Variants in LUZP2 observed in about 807,000 individuals in gnomAD.
The protein encoded by LUZP2 is leucine zipper protein 2.
LUZP2 carries 52 observed loss-of-function variants against 51.6 expected under a neutral mutation model. The observed-to-expected ratio is 1.01, with a 90% CI of 0.81 to 1.27. The LOEUF is 1.27. LUZP2 is among the 50% of genes most tolerant of loss of function. The pLI, the probability that LUZP2 is intolerant of heterozygous loss-of-function variation, is 0.00. For missense variants in LUZP2, 436 were observed against 395.4 expected (o/e 1.10, Z -0.87); for synonymous variants, 154 against 137.3 (o/e 1.12, Z -0.85).
At chr11:24,915,039 A>G (rs890953584) in intron 7 of LUZP2, among the ~76,000 whole-genome samples, 1 of 152,106 alleles carries the variant, frequency 6.6e-6, no homozygotes, top group Non-Finnish European at 1.5e-5. Flanking sequence ...AATTTTTATG[A>G]CTTAAAATAT....
At chr11:24,995,616 A>C (rs1248032001) in intron 9 of LUZP2, among the ~76,000 whole-genome samples, 2 of 151,848 alleles carry the variant, frequency 1.3e-5, no homozygotes, top group African/African-American at 4.8e-5. Flanking sequence ...AGATTTTTAA[A>C]TTTAGTAGAT....
intron 7 of LUZP2, among the ~76,000 whole-genome samples, chr11:24,965,883 C>G (rs76475434): frequency 0.017 from 2,532 of 151,794 alleles, 39 homozygotes; most frequent in South Asian, 0.083. Context: ...ATAGAGGGAA[C>G]ATTTAAAAAT....
intron 1 of LUZP2, among the ~76,000 whole-genome samples, chr11:24,531,614 T>C (rs1396852): frequency 0.38 from 57,595 of 150,582 alleles, 11,732 homozygotes; most frequent in African/African-American, 0.51. Flanking sequence ...CTAGTAACCA[T>C]CATCCTACTC....
At chr11:24,790,581 A>C (rs1238593686) in intron 5 of LUZP2, among the ~76,000 whole-genome samples, 1 of 151,964 alleles carries the variant, frequency 6.6e-6, no homozygotes, top group South Asian at 2.1e-4. Flanking sequence ...AGCTCACTGC[A>C]ACCTCTGCCT....
intron 5 of LUZP2, among the ~76,000 whole-genome samples, chr11:24,901,385 C>T (rs547146878): frequency 7.1e-6 from 1 of 141,542 alleles, no homozygotes. Flanking sequence ...AACTTTGACC[C>T]TTACCTCACT....
intron 4 of LUZP2, among the ~76,000 whole-genome samples, chr11:24,742,060 T>C (rs1859200947): frequency 7.4e-6 from 1 of 134,622 alleles, no homozygotes; most frequent in Non-Finnish European, 1.5e-5. Flanking sequence ...AATATAATTA[T>C]ATATATATAT....
At chr11:24,516,002 A>G (rs1047433480) in intron 1 of LUZP2, among the ~76,000 whole-genome samples, 5 of 152,098 alleles carry the variant, frequency 3.3e-5, no homozygotes, top group African/African-American at 1.2e-4. Flanking sequence ...CTTCTGTGAA[A>G]ACTGACCTGA....
In LUZP2 at chr11:24,859,072, T is replaced by C. The variant is rs546014922; in HGVS notation, c.397-46919T>C. On this transcript the variant is annotated intron_variant, in intron 5 of 11. Coordinates refer to ENST00000336930, the MANE Select transcript of LUZP2 (RefSeq NM_001009909.4). ...GTTTACTCACCCATTATTAGGTTCA[T>C]GGCTGAGGCACTCATAACAAAAGAG... 2.0e-5 allele frequency among the ~76,000 whole-genome samples: 3 copies of C among 152,328 alleles called. No individual in the cohort carries two copies. In the East Asian group the frequency reaches 5.8e-4, roughly 29 times the overall value.
At chr11:24,659,840 G>A (rs1455310290) in intron 1 of LUZP2, among the ~76,000 whole-genome samples, 3 of 152,072 alleles carry the variant, frequency 2.0e-5, no homozygotes, top group Non-Finnish European at 4.4e-5. Context: ...ATATAAACCT[G>A]TTCTCCTTGA....
intron 5 of LUZP2, among the ~76,000 whole-genome samples, chr11:24,876,566 G>A (rs1425189955): frequency 1.3e-5 from 2 of 148,252 alleles, no homozygotes; most frequent in Non-Finnish European, 3.0e-5. Flanking sequence ...GCTTAGGATT[G>A]ACTTGGCGAT....
intron 5 of LUZP2, among the ~76,000 whole-genome samples, chr11:24,771,034 A>C (rs1860396430): frequency 6.6e-6 from 1 of 152,194 alleles, no homozygotes. Flanking sequence ...CTGTATCCAC[A>C]TATTGCACAG....
intron 5 of LUZP2, among the ~76,000 whole-genome samples, chr11:24,865,082 C>A (rs528949710): frequency 7.9e-5 from 12 of 152,216 alleles, no homozygotes; most frequent in Middle Eastern, 3.4e-3. Context: ...ACTGCTGAGG[C>A]AAATGTCACA....
At chr11:24,851,084 C>G (rs551398389) in intron 5 of LUZP2, among the ~76,000 whole-genome samples, 1 of 152,168 alleles carries the variant, frequency 6.6e-6, no homozygotes, top group Non-Finnish European at 1.5e-5. Context: ...TTCCTCTCCT[C>G]CTATTTGAAT....
intron 1 of LUZP2, among the ~76,000 whole-genome samples, chr11:24,559,497 C>T (rs1360822081): frequency 6.6e-6 from 1 of 152,062 alleles, no homozygotes; most frequent in Non-Finnish European, 1.5e-5. Context: ...ATAAAGAGAG[C>T]AAGTTTATAA....
intron 9 of LUZP2, among the ~76,000 whole-genome samples, chr11:25,012,321 C>T (rs1294913861): frequency 6.6e-6 from 1 of 152,136 alleles, no homozygotes; most frequent in African/African-American, 2.4e-5. Context: ...TAACTTTCAT[C>T]TCCCTGACTT....
At chr11:24,823,005 TTC>T (rs1372986869) in intron 5 of LUZP2, among the ~76,000 whole-genome samples, 1 of 152,188 alleles carries the variant, frequency 6.6e-6, no homozygotes, top group Non-Finnish European at 1.5e-5. Flanking sequence ...TTGTATGTAT[TTC>T]CAGTACATAT....
At position 25,056,827 on chromosome 11, in the gene LUZP2, G is replaced by T. The variant is rs949874824; in HGVS notation, c.858+6697G>T. 2.0e-5 allele frequency among the ~76,000 whole-genome samples: 3 copies of T among 152,036 alleles called. No individual in the cohort carries two copies. In the East Asian group the frequency reaches 5.8e-4, roughly 29 times the overall value. On this transcript the variant is annotated intron_variant, in intron 10 of 11. Coordinates refer to ENST00000336930, the MANE Select transcript of LUZP2 (RefSeq NM_001009909.4). Reference sequence around the variant, plus strand: ...TAAACACTTTGAGAAATTGCCGGGCGCCGTGGCTCATGCCTGTAATCCCGG... The same window carrying T: ...TAAACACTTTGAGAAATTGCCGGGCTCCGTGGCTCATGCCTGTAATCCCGG...
intron 9 of LUZP2, among the ~76,000 whole-genome samples, chr11:25,019,835 A>G (rs944719702): frequency 3.9e-5 from 6 of 152,078 alleles, no homozygotes; most frequent in Admixed American, 2.0e-4. Flanking sequence ...AGGATCGCAT[A>G]TTGTTTGGAT....
intron 1 of LUZP2, among the ~76,000 whole-genome samples, chr11:24,517,483 C>CAA (rs71041768): frequency 0.033 from 1,444 of 44,126 alleles, 268 homozygotes; most frequent in Non-Finnish European, 0.038. Flanking sequence ...CAGACGCCGT[C>CAA]AAAAAAAAAA....
Sources: allele counts gnomAD v4.1 joint callset (sites outside exome capture counted in the v4.1 genomes callset), GRCh38; gene constraint gnomAD v4.1.1; transcripts MANE v1.5; gene names NCBI Gene and HGNC (gene_info 2026-07-23, HGNC 2026-07-21).